CDH8: variants seen among roughly 807,000 people sequenced by gnomAD.
CDH8 encodes cadherin-8.
CDH8 carries 17 observed loss-of-function variants against 68.1 expected under a neutral mutation model. The observed-to-expected ratio is 0.25, with a 90% CI of 0.17 to 0.37. The LOEUF (loss-of-function observed/expected upper bound fraction) is 0.37. CDH8 is among the 10% of genes least tolerant of loss of function. The probability of loss-of-function intolerance (pLI) is 1.00; values close to 1 mark genes in which losing one functional copy is unlikely to be tolerated. For missense variants in CDH8, 763 were observed against 999.3 expected, an observed-to-expected ratio of 0.76 and a Z score of 3.19; for synonymous variants, 372 against 365.1, an observed-to-expected ratio of 1.02 and a Z score of -0.21.
chr16:61,992,050 TTGTGTGTGTGTGTGTGTG>T (rs11271459), intron 2 of CDH8, among the ~76,000 whole-genome samples: 1 of 144,322 alleles, frequency 6.9e-6, no homozygotes, highest in Non-Finnish European at 1.5e-5. Context: ...TGCTAAATCT[TTGTGTGTGTGTGTGTGTG>T]TGTGTGTGTG....
At chr16:61,828,284 T>C (rs1962384742) in intron 4 of CDH8, among the ~76,000 whole-genome samples, 1 of 151,934 alleles carries the variant, frequency 6.6e-6, no homozygotes, top group Non-Finnish European at 1.5e-5. Context: ...ACCCATTGTT[T>C]AGCATATCAT....
chr16:61,812,345 G>A (rs1961970555), intron 7 of CDH8, among the ~76,000 whole-genome samples: 1 of 152,092 alleles, frequency 6.6e-6, no homozygotes, highest in Non-Finnish European at 1.5e-5. Flanking sequence ...GTGTTGAGTG[G>A]GTATTTATAT....
rs554769878 is a variant in CDH8 at position 61,992,418 on chromosome 16, C to A, written c.252+28734G>T. ...AGAACACATGGACACAGGAAGGGGACCATCACCCTCTGGGGACTGTTGTGG... is the reference window on the plus strand; with the variant it reads ...AGAACACATGGACACAGGAAGGGGAACATCACCCTCTGGGGACTGTTGTGG... On this transcript the variant is annotated intron_variant, in intron 2 of 11. Transcript: ENST00000577390. Among the ~76,000 whole-genome samples, 263 of 128,604 alleles carry A rather than the reference C, an allele frequency of 2.0e-3. 1 individual carries two copies. The highest frequency in any genetic ancestry group is 7.5e-3 in the African/African-American group (247 of 32,978). The allele number at this position is 128,604 out of a possible 152,430, so 84.4% of individuals were successfully genotyped here. A position where few individuals can be genotyped will look rare whatever the true frequency, so the allele number is the denominator to read the frequency against.
intron 2 of CDH8, among the ~76,000 whole-genome samples, chr16:62,010,308 A>T (rs1232757126): frequency 6.6e-6 from 1 of 152,130 alleles, no homozygotes; most frequent in Non-Finnish European, 1.5e-5. Flanking sequence ...CACTGTTCTC[A>T]TCTGCAAATT....
chr16:61,753,422 T>C (rs1272684824), intron 8 of CDH8, among the ~76,000 whole-genome samples: 2 of 152,042 alleles, frequency 1.3e-5, no homozygotes, highest in African/African-American at 2.4e-5. Context: ...GTATTTGTAG[T>C]AGAGACAGCT....
intron 2 of CDH8, among the ~76,000 whole-genome samples, chr16:62,009,931 A>G (rs1260122390): frequency 6.6e-6 from 1 of 152,144 alleles, no homozygotes; most frequent in Non-Finnish European, 1.5e-5. Context: ...CACTTTTAAT[A>G]TATTTTTAAA....
chr16:61,892,982 T>C (rs1021000617), intron 3 of CDH8, among the ~76,000 whole-genome samples: 1 of 152,188 alleles, frequency 6.6e-6, no homozygotes, highest in Non-Finnish European at 1.5e-5. Context: ...CATAGTGTGT[T>C]AGTTTCCCTG....
At chr16:61,714,243 G>T in intron 9 of CDH8, 2 of 327,234 alleles carry the variant, frequency 6.1e-6, no homozygotes, top group South Asian at 7.5e-5. Context: ...ATATCCACTG[G>T]GCAATTACAG....
At chr16:62,005,004 A>G (rs1965950083) in intron 2 of CDH8, among the ~76,000 whole-genome samples, 1 of 152,234 alleles carries the variant, frequency 6.6e-6, no homozygotes, top group Admixed American at 6.5e-5. Context: ...TTCCAAAGTA[A>G]GAACGCTTTC....
rs191142165 is a variant in CDH8 at position 61,990,754 on chromosome 16, G to T, written c.252+30398C>A. ...TGGGAGGATTGCTCAAGCCCAGGAG[G>T]ATCAGGCTATAGTGAGTTATGATCA... On this transcript the variant is annotated intron_variant, in intron 2 of 11. Transcript: ENST00000577390. Among the ~76,000 whole-genome samples the T allele has an allele frequency of 1.3e-4, 20 of 150,948 alleles. No individual in the cohort carries two copies. In the East Asian group the frequency reaches 4.0e-3, roughly 30 times the overall value.
chr16:61,717,977 A>C (rs908322244), intron 9 of CDH8, among the ~76,000 whole-genome samples: 12 of 151,416 alleles, frequency 7.9e-5, no homozygotes, highest in Non-Finnish European at 1.6e-4. Context: ...ATATGTATAT[A>C]TACACACATA....
chr16:61,679,479 C>T (rs1190882575), intron 10 of CDH8, among the ~76,000 whole-genome samples: 1 of 151,992 alleles, frequency 6.6e-6, no homozygotes, highest in Non-Finnish European at 1.5e-5. Flanking sequence ...GTACCAGTTA[C>T]TGTGCTCTGT....
chr16:62,029,156 C>G (rs1597135981), intron 1 of CDH8, among the ~76,000 whole-genome samples: 1 of 152,238 alleles, frequency 6.6e-6, no homozygotes. Flanking sequence ...ATACTACCTA[C>G]TTTGAAAGAT....
chr16:61,656,165 C>A (rs1311453748), intron 10 of CDH8, among the ~76,000 whole-genome samples: 1 of 152,156 alleles, frequency 6.6e-6, no homozygotes, highest in African/African-American at 2.4e-5. Flanking sequence ...AGCCACTGCG[C>A]CCGGCCTGCG....
At chr16:61,829,422 G>A (rs556704659) in intron 4 of CDH8, among the ~76,000 whole-genome samples, 3 of 151,774 alleles carry the variant, frequency 2.0e-5, no homozygotes, top group South Asian at 4.2e-4. Context: ...CAAAATACAC[G>A]TTACAAAACT....
Position 61,653,066 on chromosome 16 carries a change from G to C in CDH8, c.*542C>G, listed in dbSNP as rs1567403312. The C allele has an allele frequency of 1.5e-6, 2 of 1,365,208 alleles. No homozygotes were observed. Among genetic ancestry groups the C allele is most frequent in the Non-Finnish European group, 1.9e-6 (2 of 1,060,472 alleles). 84.6% of individuals were successfully genotyped at this position (1,365,208 alleles called of 1,614,324 possible). A position where few individuals can be genotyped will look rare whatever the true frequency, so the allele number is the denominator to read the frequency against. On this transcript the variant is annotated 3_prime_UTR_variant, in exon 12 of 12. Coordinates refer to ENST00000577390, the MANE Select transcript of CDH8 (RefSeq NM_001796.5). Reference sequence around the variant, plus strand: ...GGGCCAACAATTATGTACAATGTGTGGTCACCGTACTGTATAATCTAGGAG... The same window carrying C: ...GGGCCAACAATTATGTACAATGTGTCGTCACCGTACTGTATAATCTAGGAG...
intron 2 of CDH8, among the ~76,000 whole-genome samples, chr16:61,995,116 A>G (rs956655240): frequency 2.6e-5 from 4 of 152,234 alleles, no homozygotes; most frequent in African/African-American, 9.6e-5. Context: ...ATTTTATTAA[A>G]GAGAGAACAG....
At chr16:61,899,708 A>G (rs1208325171) in intron 3 of CDH8, among the ~76,000 whole-genome samples, 2 of 152,186 alleles carry the variant, frequency 1.3e-5, no homozygotes, top group African/African-American at 4.8e-5. Flanking sequence ...AACAACTAGG[A>G]TATTCTCTTT....
intron 7 of CDH8, among the ~76,000 whole-genome samples, chr16:61,801,708 C>CG (rs1273280625): frequency 6.6e-5 from 10 of 152,112 alleles, no homozygotes; most frequent in Non-Finnish European, 1.2e-4. Context: ...GGGTGACGGA[C>CG]GCACCTGGAA....
Sources: gnomAD v4.1 joint callset for allele counts (sites outside exome capture counted in the v4.1 genomes callset) on GRCh38, gnomAD v4.1.1 for gene constraint, MANE v1.5 for transcripts, NCBI Gene and HGNC (gene_info 2026-07-23, HGNC 2026-07-21) for gene names.